Variants in PDCD6IP observed in about 807,000 individuals in gnomAD.
PDCD6IP encodes programmed cell death 6-interacting protein.
A neutral mutation model predicts 103.7 loss-of-function variants in PDCD6IP; 43 were observed. The ratio of observed to expected loss-of-function variants is 0.41; its 90% CI spans 0.32 to 0.53. PDCD6IP has a LOEUF of 0.53. Ranked by LOEUF, PDCD6IP falls within the 20% of genes least tolerant of loss-of-function variation. The pLI is 0.16. For synonymous variants in PDCD6IP, 354 were observed against 378.7 expected (o/e 0.93, Z 0.76); for missense variants, 871 against 1,036.7 (o/e 0.84, Z 2.20).
At chr3:33,837,148 G>A (rs907545441) in intron 8 of PDCD6IP, among the ~76,000 whole-genome samples, 6 of 152,114 alleles carry the variant, frequency 3.9e-5, no homozygotes, top group African/African-American at 7.2e-5. Context: ...TGGAACTCCC[G>A]ACTTCAGGTG....
chr3:33,822,156 G>C, intron 4 of PDCD6IP, 74 bp downstream of exon 4: 2 of 1,445,914 alleles, frequency 1.4e-6, no homozygotes, highest in Non-Finnish European at 1.9e-6. Context: ...TTGCATTTAG[G>C]TTTATAGATA....
chr3:33,821,973 A>G lies in PDCD6IP; in HGVS notation c.353A>G (p.Tyr118Cys). 1 of 1,613,500 alleles carries G rather than the reference A, an allele frequency of 6.2e-7. No homozygotes were observed. The highest frequency in any genetic ancestry group is 1.1e-5 in the South Asian group (1 of 90,806). ...SVKLALASLGYEKSCVLFNCA... is the reference protein window; with the variant it reads ...SVKLALASLGCEKSCVLFNCA... ...TTTACAGCTCTTGCAAGCTTAGGAT[A>G]TGAAAAGAGCTGTGTGTTGTTCAAT... The change falls in exon 4 of 18, where the codon TAT becomes TGT. Residue 118 changes from tyrosine (Y) to cysteine (C), a missense_variant. Physicochemically the swap from Tyr to Cys is radical, Grantham distance 194. Coordinates refer to ENST00000307296, the MANE Select transcript of PDCD6IP (RefSeq NM_013374.6).
intron 7 of PDCD6IP, among the ~76,000 whole-genome samples, chr3:33,830,919 C>T (rs1050189679): frequency 6.6e-6 from 1 of 152,118 alleles, no homozygotes; most frequent in Non-Finnish European, 1.5e-5. Flanking sequence ...CTTAGGAGGT[C>T]ACACTATTAA....
At chr3:33,811,671 G>T (rs1163268144) in intron 1 of PDCD6IP, among the ~76,000 whole-genome samples, 1 of 152,152 alleles carries the variant, frequency 6.6e-6, no homozygotes, top group African/African-American at 2.4e-5. Context: ...GAGACAGATA[G>T]AGATGGGCTT....
At chr3:33,811,961 G>A in intron 1 of PDCD6IP, 111 bp from the exon 2 acceptor site, 1 of 1,355,820 alleles carries the variant, frequency 7.4e-7, no homozygotes, top group Non-Finnish European at 9.6e-7. Flanking sequence ...ATATAAAATA[G>A]CTGCTCAAAG....
rs578199184 is a variant in PDCD6IP, at chr3:33,860,504, G to A, written c.2121-3502G>A. On this transcript the variant is annotated intron_variant, in intron 15 of 17. Coordinates refer to ENST00000307296, the MANE Select transcript of PDCD6IP (RefSeq NM_013374.6). The stretch of plus-strand genomic sequence containing the variant: ...TAAATCAATACACAGAAAATTCTCA[G>A]CACCCTAAAAGCATTGTTAATGCAT... 8.3e-4 allele frequency among the ~76,000 whole-genome samples: 126 copies of A among 152,248 alleles called. No individual in the cohort carries two copies. In the Middle Eastern group the frequency reaches 0.01, roughly 12 times the overall value.
chr3:33,854,940 TATG>T, intron 14 of PDCD6IP: 2 of 272,852 alleles, frequency 7.3e-6, no homozygotes, highest in Non-Finnish European at 6.8e-6. Flanking sequence ...TTACATTTTT[TATG>T]ATAATGTTCT....
At chr3:33,853,182 C>T (rs543649717) in intron 13 of PDCD6IP, among the ~76,000 whole-genome samples, 80 of 152,262 alleles carry the variant, frequency 5.3e-4, no homozygotes, top group African/African-American at 1.8e-3. Flanking sequence ...CTTGGCCTCC[C>T]AAAGTGCTGG....
At chr3:33,823,158 G>C (rs1697033237) in intron 4 of PDCD6IP, among the ~76,000 whole-genome samples, 1 of 152,080 alleles carries the variant, frequency 6.6e-6, no homozygotes. Context: ...TTACATACGA[G>C]GAGGCTAAAG....
At position 33,863,550 on chromosome 3, in the gene PDCD6IP, A is replaced by T. The variant is rs573312804; in HGVS notation, c.2121-456A>T. Among the ~76,000 whole-genome samples the T allele has an allele frequency of 2.0e-5, 3 of 152,312 alleles. No homozygotes were observed. In the East Asian group the frequency reaches 5.8e-4, roughly 29 times the overall value. The stretch of plus-strand genomic sequence containing the variant: ...CTGTGCCTGGCTTATTTCACTTATC[A>T]TGATGGCCTCCAGTTCCATCCATGT... On this transcript the variant is annotated intron_variant, in intron 15 of 17. Coordinates refer to ENST00000307296, the MANE Select transcript of PDCD6IP (RefSeq NM_013374.6).
At chr3:33,815,412 C>G (rs1316811003) in intron 3 of PDCD6IP, among the ~76,000 whole-genome samples, 1 of 152,106 alleles carries the variant, frequency 6.6e-6, no homozygotes, top group African/African-American at 2.4e-5. Context: ...TCTCCAATAG[C>G]TTAATGAGGA....
intron 15 of PDCD6IP, among the ~76,000 whole-genome samples, chr3:33,863,301 A>G (rs1326306075): frequency 1.3e-5 from 2 of 152,226 alleles, no homozygotes; most frequent in African/African-American, 2.4e-5. Flanking sequence ...CAAATCTTCT[A>G]GCTATTTTGA....
intron 3 of PDCD6IP, among the ~76,000 whole-genome samples, chr3:33,816,594 A>G (rs548781895): frequency 2.0e-5 from 3 of 151,820 alleles, no homozygotes; most frequent in South Asian, 4.2e-4. Flanking sequence ...TGACAGAGTC[A>G]TTGTGGCAGA....
intron 3 of PDCD6IP, among the ~76,000 whole-genome samples, chr3:33,817,676 C>G (rs1696885024): frequency 6.6e-6 from 1 of 151,686 alleles, no homozygotes; most frequent in Non-Finnish European, 1.5e-5. Flanking sequence ...TTGCTTGAGC[C>G]TGGGAGGTTG....
intron 4 of PDCD6IP, among the ~76,000 whole-genome samples, chr3:33,822,371 C>G (rs1697012570): frequency 6.6e-6 from 1 of 152,042 alleles, no homozygotes; most frequent in African/African-American, 2.4e-5. Context: ...GAGATTTCAT[C>G]TCAGGCATTT....
intron 1 of PDCD6IP, among the ~76,000 whole-genome samples, chr3:33,808,751 A>G (rs1423142421): frequency 6.6e-6 from 1 of 152,232 alleles, no homozygotes; most frequent in African/African-American, 2.4e-5. Context: ...AAAATAAGTC[A>G]TATTGCTGTT....
intron 6 of PDCD6IP, among the ~76,000 whole-genome samples, chr3:33,828,111 A>G (rs1697168888): frequency 6.6e-6 from 1 of 152,154 alleles, no homozygotes; most frequent in Non-Finnish European, 1.5e-5. Context: ...CCACTAGTAT[A>G]ATTGCTTTCC....
In PDCD6IP at chr3:33,822,230, T is replaced by A. The variant is rs112957149; in HGVS notation, c.462+148T>A. 3.1e-3 allele frequency: 2,573 copies of A among 822,110 alleles called. 46 individuals carry two copies. The African/African-American group carries it at 0.039, about 12-fold the overall frequency. The allele number at this position is 822,110 out of a possible 1,614,324, so 50.9% of individuals were successfully genotyped here. On this transcript the variant is annotated intron_variant, in intron 4 of 17. Coordinates refer to ENST00000307296, the MANE Select transcript of PDCD6IP (RefSeq NM_013374.6). ...TTTAAAATGAATTTATTCTTACTGT[T>A]AAAGCCCTTAGATAAACTGTCTATA...
At chr3:33,829,022 T>C in intron 7 of PDCD6IP, 53 bp downstream of exon 7, 2 of 1,431,798 alleles carry the variant, frequency 1.4e-6, no homozygotes, top group Non-Finnish European at 1.9e-6. Context: ...CTCTCTTTTT[T>C]TTCCTAGTGA....
Sources: allele counts gnomAD v4.1 joint callset (sites outside exome capture counted in the v4.1 genomes callset), GRCh38; gene constraint gnomAD v4.1.1; transcripts MANE v1.5; gene names NCBI Gene and HGNC (gene_info 2026-07-23, HGNC 2026-07-21).